Variants in GPBP1 observed in about 807,000 individuals in gnomAD.
GPBP1 encodes the protein vasculin.
In GPBP1, 13 loss-of-function variants were observed where a neutral mutation model predicts 56.5. The ratio of observed to expected loss-of-function variants is 0.23; its 90% CI spans 0.15 to 0.37. The LOEUF (loss-of-function observed/expected upper bound fraction) is 0.37. Ranked by LOEUF, GPBP1 falls within the 10% of genes least tolerant of loss-of-function variation. The probability of loss-of-function intolerance (pLI) is 1.00; values close to 1 mark genes in which losing one functional copy is unlikely to be tolerated. For missense variants in GPBP1, 477 were observed against 572.3 expected (o/e 0.83, Z 1.70); for synonymous variants, 204 against 188.9 (o/e 1.08, Z -0.66).
intron 2 of GPBP1, among the ~76,000 whole-genome samples, chr5:57,187,150 A>G (rs1754328581): frequency 1.3e-5 from 2 of 151,970 alleles, no homozygotes; most frequent in South Asian, 2.1e-4. Context: ...TTTCTAAAAT[A>G]TTTTATAGGA....
chr5:57,226,136 A>G (rs141419239), intron 3 of GPBP1, among the ~76,000 whole-genome samples: 83 of 152,278 alleles, frequency 5.5e-4, no homozygotes, highest in East Asian at 2.1e-3. Flanking sequence ...ACATCTCTCT[A>G]TTGACAATGA....
chr5:57,259,934 G>C (rs1741815998), intron 10 of GPBP1, among the ~76,000 whole-genome samples: 1 of 152,092 alleles, frequency 6.6e-6, no homozygotes, highest in African/African-American at 2.4e-5. Flanking sequence ...CTTTTGCTTT[G>C]AGTGGATCCC....
At chr5:57,174,584 C>T (rs1753713489) in intron 1 of GPBP1, among the ~76,000 whole-genome samples, 1 of 152,144 alleles carries the variant, frequency 6.6e-6, no homozygotes, top group African/African-American at 2.4e-5. Flanking sequence ...CACTACCCTT[C>T]TCAGGGCTGA....
intron 2 of GPBP1, among the ~76,000 whole-genome samples, chr5:57,210,125 GA>G (rs1299436157): frequency 6.6e-6 from 1 of 152,098 alleles, no homozygotes; most frequent in East Asian, 1.9e-4. Context: ...ACAAGAAAGA[GA>G]AAAAAGTCTC....
chr5:57,243,230 C>A (rs1204027395), intron 6 of GPBP1, among the ~76,000 whole-genome samples: 1 of 151,610 alleles, frequency 6.6e-6, no homozygotes, highest in East Asian at 1.9e-4. Context: ...CCATACCTGG[C>A]TAATTTTTGT....
chr5:57,204,823 G>T (rs1387842077), intron 2 of GPBP1, among the ~76,000 whole-genome samples: 1 of 152,016 alleles, frequency 6.6e-6, no homozygotes, highest in African/African-American at 2.4e-5. Context: ...AATTTTTTGG[G>T]GGAATGAGGT....
At position 57,262,905 on chromosome 5, in the gene GPBP1, T is replaced by C. The variant is rs1282062384; in HGVS notation, c.*153T>C. 3 of 617,076 alleles carry C rather than the reference T, an allele frequency of 4.9e-6. No individual in the cohort carries two copies. Among genetic ancestry groups the C allele is most frequent in the African/African-American group, 1.9e-5 (1 of 53,672 alleles). 38.2% of individuals were successfully genotyped at this position (617,076 alleles called of 1,614,324 possible). On this transcript the variant is annotated 3_prime_UTR_variant, in exon 12 of 12. Coordinates refer to ENST00000506184, the MANE Select transcript of GPBP1 (RefSeq NM_022913.4). ...ACTTCAATATGAAGAAAACCAAGAA[T>C]GTTTTGTTGGGCTGTGTTGAACATT...
intron 11 of GPBP1, 47 bp from the exon 12 acceptor site, chr5:57,262,547 T>C (rs1323042707): frequency 1.4e-6 from 2 of 1,391,772 alleles, no homozygotes; most frequent in Non-Finnish European, 2.0e-6. Context: ...ACAGTAGGTT[T>C]GTAACTCTTG....
Position 57,197,406 on chromosome 5 carries a change from G to A in GPBP1, c.-57-16668G>A, listed in dbSNP as rs371193398. 1.9e-4 allele frequency among the ~76,000 whole-genome samples: 27 copies of A among 143,480 alleles called. No individual in the cohort carries two copies. In the East Asian group the frequency reaches 2.0e-3, roughly 11 times the overall value. The allele number at this position is 143,480 out of a possible 152,430, so 94.1% of individuals were successfully genotyped here. On this transcript the variant is annotated intron_variant, in intron 2 of 11. Transcript: ENST00000506184. ...CAGTCTCGCTCCGTCGCTCATGCTG[G>A]AGTGTGCATTGGTGCGATCTTAGCT...
chr5:57,219,390 A>C (rs994275678), intron 3 of GPBP1, among the ~76,000 whole-genome samples: 11 of 57,192 alleles, frequency 1.9e-4, no homozygotes, highest in African/African-American at 8.1e-4. Flanking sequence ...AAAAAAAAAA[A>C]AAAAAAAAAA....
chr5:57,193,688 C>T (rs746488789), intron 2 of GPBP1, among the ~76,000 whole-genome samples: 29 of 148,528 alleles, frequency 2.0e-4, no homozygotes, highest in Admixed American at 1.5e-3. Context: ...TAGGATTAGG[C>T]GTGTTTAAAA....
chr5:57,186,119 ATGCC>A (rs1210774940), intron 2 of GPBP1, among the ~76,000 whole-genome samples: 1 of 152,032 alleles, frequency 6.6e-6, no homozygotes, highest in Non-Finnish European at 1.5e-5. Flanking sequence ...CTGAAATAAA[ATGCC>A]TGGTGGCTCA....
chr5:57,211,572 G>A (rs1755477309), intron 2 of GPBP1, among the ~76,000 whole-genome samples: 1 of 69,168 alleles, frequency 1.4e-5, no homozygotes, highest in South Asian at 4.3e-4. Flanking sequence ...TTGCCTCCGG[G>A]GATTTTGTTG....
At chr5:57,256,497 T>TC (rs1309594558) in intron 10 of GPBP1, among the ~76,000 whole-genome samples, 1 of 152,102 alleles carries the variant, frequency 6.6e-6, no homozygotes, top group East Asian at 1.9e-4. Context: ...TTAACCAAGT[T>TC]TTTTTCCCTT....
At position 57,187,529 on chromosome 5, in the gene GPBP1, G is replaced by A. The variant is rs140330047; in HGVS notation, c.-58+11129G>A. ...GCAAAAATGTAAGATTCCTCTGTCCGTGAAGTTTGCTGTGAAGTTCTATGA... is the reference window on the plus strand; with the variant it reads ...GCAAAAATGTAAGATTCCTCTGTCCATGAAGTTTGCTGTGAAGTTCTATGA... On this transcript the variant is annotated intron_variant, in intron 2 of 11. Coordinates refer to ENST00000506184, the MANE Select transcript of GPBP1 (RefSeq NM_022913.4). 3.2e-3 allele frequency among the ~76,000 whole-genome samples: 485 copies of A among 152,222 alleles called. 4 individuals carry two copies. Among genetic ancestry groups the A allele is most frequent in the African/African-American group, 0.011 (458 of 41,522 alleles).
chr5:57,263,950 A>G lies in GPBP1; in HGVS notation c.*1198A>G, dbSNP rs1742010042. ...TTTAAATATATTCTAACTTATGTAAAGAGCATAATCTTAGAGCAAAAATAC... is the reference window on the plus strand; with the variant it reads ...TTTAAATATATTCTAACTTATGTAAGGAGCATAATCTTAGAGCAAAAATAC... On this transcript the variant is annotated 3_prime_UTR_variant, in exon 12 of 12. Coordinates refer to ENST00000506184, the MANE Select transcript of GPBP1 (RefSeq NM_022913.4). 1 of 152,158 alleles carries G rather than the reference A, an allele frequency of 6.6e-6. No homozygotes were observed. The highest frequency in any genetic ancestry group is 1.5e-5 in the Non-Finnish European group (1 of 68,020). The allele number at this position is 152,158 out of a possible 1,614,324, so 9.4% of individuals were successfully genotyped here.
chr5:57,230,656 A>G (rs932891460), intron 3 of GPBP1, 190 bp from the exon 4 acceptor site: 24 of 608,434 alleles, frequency 3.9e-5, no homozygotes, highest in Non-Finnish European at 5.8e-6. Context: ...TGTTTCCATT[A>G]GATAGAAGAA....
chr5:57,197,024 C>G (rs997281851), intron 2 of GPBP1, among the ~76,000 whole-genome samples: 1 of 151,744 alleles, frequency 6.6e-6, no homozygotes. Flanking sequence ...TCAAGTGATT[C>G]GCCTGCCTCA....
chr5:57,177,035 G>A (rs1376687994), intron 2 of GPBP1, among the ~76,000 whole-genome samples: 4 of 152,172 alleles, frequency 2.6e-5, no homozygotes, highest in African/African-American at 7.2e-5. Flanking sequence ...TTCAAAAAAA[G>A]AGGGTATTAC....
Sources: allele counts gnomAD v4.1 joint callset (sites outside exome capture counted in the v4.1 genomes callset), GRCh38; gene constraint gnomAD v4.1.1; transcripts MANE v1.5; gene names NCBI Gene and HGNC (gene_info 2026-07-23, HGNC 2026-07-21).